SLC26A7: variants seen among roughly 807,000 people sequenced by gnomAD.
SLC26A7 encodes solute carrier family 26 member 7.
In SLC26A7, 59 loss-of-function variants were observed where a neutral mutation model predicts 82.5. That is an observed-to-expected ratio of 0.72 (90% confidence interval 0.58 to 0.89). The LOEUF is 0.89. Ranked by LOEUF, SLC26A7 falls within the 40% of genes least tolerant of loss-of-function variation. The pLI is 0.00. For missense variants in SLC26A7, 820 were observed against 793.0 expected (o/e 1.03, Z -0.41); for synonymous variants, 271 against 274.3 (o/e 0.99, Z 0.12).
chr8:91,239,388 A>AT (rs1281451061), intron 2 of SLC26A7, among the ~76,000 whole-genome samples: 41 of 107,860 alleles, frequency 3.8e-4, no homozygotes, highest in Admixed American at 6.2e-4. Context: ...AAAAAAAAAA[A>AT]AAAAAAAATA....
intron 11 of SLC26A7, among the ~76,000 whole-genome samples, chr8:91,359,351 G>A (rs1440505183): frequency 6.6e-6 from 1 of 152,188 alleles, no homozygotes; most frequent in Non-Finnish European, 1.5e-5. Flanking sequence ...GTGTATTGAA[G>A]GATATTAGTG....
chr8:91,384,027 A>G (rs1294091280), intron 15 of SLC26A7, among the ~76,000 whole-genome samples: 1 of 152,210 alleles, frequency 6.6e-6, no homozygotes, highest in African/African-American at 2.4e-5. Flanking sequence ...TCCCAAATAA[A>G]CAATGCAGGT....
chr8:91,292,387 C>T (rs563747215), intron 3 of SLC26A7, among the ~76,000 whole-genome samples: 10 of 152,020 alleles, frequency 6.6e-5, no homozygotes, highest in Non-Finnish European at 1.5e-4. Flanking sequence ...TATGTTTTGA[C>T]CTTCCTTTAA....
intron 8 of SLC26A7, among the ~76,000 whole-genome samples, chr8:91,340,931 AG>A (rs1427851333): frequency 1.3e-5 from 2 of 152,186 alleles, no homozygotes; most frequent in Non-Finnish European, 2.9e-5. Context: ...TAGAATACCA[AG>A]GGATGTAGAT....
At chr8:91,375,391 T>A (rs1260052302) in intron 15 of SLC26A7, among the ~76,000 whole-genome samples, 1 of 152,130 alleles carries the variant, frequency 6.6e-6, no homozygotes, top group Non-Finnish European at 1.5e-5. Flanking sequence ...CATTTTCATG[T>A]TTAGAACTCT....
chr8:91,211,827 A>G (rs967783889), intron 1 of SLC26A7, among the ~76,000 whole-genome samples: 2 of 151,890 alleles, frequency 1.3e-5, no homozygotes, highest in Admixed American at 1.3e-4. Flanking sequence ...TTTACACTCA[A>G]AGGAGGGAGA....
chr8:91,355,727 A>T (rs982571831), intron 11 of SLC26A7, among the ~76,000 whole-genome samples: 17 of 150,244 alleles, frequency 1.1e-4, no homozygotes, highest in African/African-American at 4.2e-4. Context: ...TCTTTTTTTT[A>T]AATTTTATTA....
chr8:91,305,980 T>C (rs1812293659), intron 4 of SLC26A7, among the ~76,000 whole-genome samples: 1 of 152,196 alleles, frequency 6.6e-6, no homozygotes, highest in South Asian at 2.1e-4. Flanking sequence ...ATCAGATGTT[T>C]AATGAATGTA....
At chr8:91,306,246 C>A (rs943425357) in intron 4 of SLC26A7, among the ~76,000 whole-genome samples, 1 of 152,150 alleles carries the variant, frequency 6.6e-6, no homozygotes, top group South Asian at 2.1e-4. Context: ...CAGCAATACT[C>A]CCTTTTCCCT....
intron 1 of SLC26A7, among the ~76,000 whole-genome samples, chr8:91,216,249 A>G (rs1193566449): frequency 1.3e-5 from 2 of 152,296 alleles, no homozygotes; most frequent in East Asian, 1.9e-4. Context: ...AGAAGGGGAA[A>G]GAGGGACACA....
intron 11 of SLC26A7, among the ~76,000 whole-genome samples, chr8:91,360,480 G>A (rs1250815717): frequency 6.6e-6 from 1 of 152,124 alleles, no homozygotes; most frequent in African/African-American, 2.4e-5. Context: ...CTAACCAATG[G>A]AATTATTTAT....
Position 91,356,178 on chromosome 8 carries a change from G to T in SLC26A7, c.1314+3182G>T, listed in dbSNP as rs111806532. ...AGTCTTTGCTATTGTGAATAGTGCC[G>T]CAATAAACATACGTGTGCATGTGTC... On this transcript the variant is annotated intron_variant, in intron 11 of 18. Transcript: ENST00000276609. 3.4e-3 allele frequency among the ~76,000 whole-genome samples: 517 copies of T among 152,196 alleles called. 6 individuals are homozygous for T. The highest frequency in any genetic ancestry group is 0.012 in the African/African-American group (503 of 41,500).
intron 2 of SLC26A7, among the ~76,000 whole-genome samples, chr8:91,285,508 C>T (rs983978502): frequency 2.1e-4 from 32 of 152,192 alleles, no homozygotes; most frequent in Non-Finnish European, 4.4e-5. Context: ...TGACCTTTTT[C>T]CAAATAAGAT....
chr8:91,308,393 G>A lies in SLC26A7; in HGVS notation c.478-9823G>A, dbSNP rs189233768. 8.8e-5 allele frequency among the ~76,000 whole-genome samples: 13 copies of A among 147,140 alleles called. No homozygotes were observed. In the East Asian group the frequency reaches 2.3e-3, roughly 26 times the overall value. On this transcript the variant is annotated intron_variant, in intron 4 of 18. Transcript: ENST00000276609. ...TTCATAATGCTGAGCAGCCATCACC[G>A]TCATCTGTCTATGCAACCCTTTCAT...
At chr8:91,340,692 A>C in intron 8 of SLC26A7, 141 bp downstream of exon 8, 1 of 974,570 alleles carries the variant, frequency 1.0e-6, no homozygotes, top group East Asian at 2.7e-5. Context: ...AAAAAGAAAA[A>C]TATCAAAATC....
chr8:91,239,410 ATG>A (rs1491416554), intron 2 of SLC26A7, among the ~76,000 whole-genome samples: 57 of 101,376 alleles, frequency 5.6e-4, no homozygotes, highest in African/African-American at 1.9e-3. Flanking sequence ...ATATATATAT[ATG>A]TATATGTATA....
At chr8:91,360,818 AT>A (rs1266133571) in intron 11 of SLC26A7, among the ~76,000 whole-genome samples, 1 of 152,150 alleles carries the variant, frequency 6.6e-6, no homozygotes, top group Non-Finnish European at 1.5e-5. Context: ...TTCAGTTAGG[AT>A]TTGAAAATGA....
chr8:91,224,675 A>G (rs1810209755), intron 2 of SLC26A7, among the ~76,000 whole-genome samples: 1 of 152,212 alleles, frequency 6.6e-6, no homozygotes, highest in East Asian at 1.9e-4. Flanking sequence ...TGGGTGGCAC[A>G]GGGAGCAGGA....
At chr8:91,372,762 G>A (rs574472834) in intron 15 of SLC26A7, among the ~76,000 whole-genome samples, 2 of 151,696 alleles carry the variant, frequency 1.3e-5, no homozygotes, top group African/African-American at 4.8e-5. Flanking sequence ...TTCTATTTTT[G>A]TGAAAAGTGA....
Sources: allele counts gnomAD v4.1 joint callset (sites outside exome capture counted in the v4.1 genomes callset), GRCh38; gene constraint gnomAD v4.1.1; transcripts MANE v1.5; gene names NCBI Gene and HGNC (gene_info 2026-07-23, HGNC 2026-07-21).